The following ALK variants were observed in gnomAD, a reference collection of about 807,000 sequenced individuals.
ALK encodes the protein ALK tyrosine kinase receptor.
Under a neutral mutation model 163.1 loss-of-function variants are expected in ALK, and 74 were observed. The observed-to-expected ratio is 0.45, with a 90% confidence interval of 0.38 to 0.55. The LOEUF is 0.55. Among genes scored for constraint, ALK ranks in the 20% least tolerant of loss-of-function variants. The probability of loss-of-function intolerance (pLI) is 0.00; values close to 1 mark genes in which losing one functional copy is unlikely to be tolerated. For synonymous variants in ALK, 960 were observed against 843.2 expected (o/e 1.14, Z -2.40); for missense variants, 2,063 against 2,105.3 (o/e 0.98, Z 0.39).
At chr2:29,756,167 T>C (rs1680521766) in intron 1 of ALK, among the ~76,000 whole-genome samples, 2 of 152,234 alleles carry the variant, frequency 1.3e-5, no homozygotes, top group Admixed American at 1.3e-4. Context: ...GCAGTTCCCT[T>C]GGACTACAAT....
At chr2:29,907,573 CT>C (rs777452890) in intron 1 of ALK, among the ~76,000 whole-genome samples, 6 of 152,190 alleles carry the variant, frequency 3.9e-5, no homozygotes, top group Non-Finnish European at 7.3e-5. Flanking sequence ...TCTGTTCCTT[CT>C]TGTAAGAAAA....
chr2:29,663,560 G>C (rs1313059766), intron 3 of ALK, among the ~76,000 whole-genome samples: 1 of 152,034 alleles, frequency 6.6e-6, no homozygotes, highest in Non-Finnish European at 1.5e-5. Flanking sequence ...AATCTCATGG[G>C]GATAATTTCA....
intron 4 of ALK, among the ~76,000 whole-genome samples, chr2:29,425,840 C>A (rs1275526797): frequency 6.6e-6 from 1 of 152,154 alleles, no homozygotes; most frequent in Non-Finnish European, 1.5e-5. Context: ...TTGTGGCAAA[C>A]AACTGAGAGG....
At chr2:29,641,824 C>T (rs2148246167) in intron 3 of ALK, among the ~76,000 whole-genome samples, 1 of 152,260 alleles carries the variant, frequency 6.6e-6, no homozygotes, top group Admixed American at 6.5e-5. Context: ...TTCAGGAAAG[C>T]CCCTTTCATA....
chr2:29,195,024 C>T (rs1277931581), intron 28 of ALK, among the ~76,000 whole-genome samples: 1 of 152,072 alleles, frequency 6.6e-6, no homozygotes, highest in Non-Finnish European at 1.5e-5. Context: ...TGAGAAAATA[C>T]CCTCATTACC....
intron 5 of ALK, among the ~76,000 whole-genome samples, chr2:29,381,243 G>T (rs553160007): frequency 6.6e-6 from 1 of 152,258 alleles, no homozygotes; most frequent in Non-Finnish European, 1.5e-5. Context: ...TTATCGTAAA[G>T]CTTGCATGAT....
intron 5 of ALK, among the ~76,000 whole-genome samples, chr2:29,360,199 T>C (rs995159640): frequency 2.6e-5 from 4 of 152,218 alleles, no homozygotes; most frequent in African/African-American, 4.8e-5. Context: ...AGGGCCAAGA[T>C]TGCAAGCCAT....
intron 8 of ALK, among the ~76,000 whole-genome samples, chr2:29,299,001 G>C (rs1347818336): frequency 6.6e-6 from 1 of 152,108 alleles, no homozygotes; most frequent in Non-Finnish European, 1.5e-5. Context: ...GGCTCCTCTG[G>C]CTTGTAACCA....
intron 1 of ALK, among the ~76,000 whole-genome samples, chr2:29,799,107 C>G (rs987144898): frequency 4.6e-5 from 7 of 152,216 alleles, no homozygotes; most frequent in Non-Finnish European, 1.0e-4. Flanking sequence ...GAAGCCACAG[C>G]TGCACCAGCT....
At chr2:29,209,084 T>TG (rs1398950235) in intron 25 of ALK, among the ~76,000 whole-genome samples, 2 of 151,942 alleles carry the variant, frequency 1.3e-5, no homozygotes, top group African/African-American at 4.8e-5. Flanking sequence ...TGCAGATGCC[T>TG]GCGGTGTTAG....
intron 1 of ALK, among the ~76,000 whole-genome samples, chr2:29,817,212 G>C (rs574358412): frequency 1.3e-5 from 2 of 152,114 alleles, no homozygotes; most frequent in South Asian, 2.1e-4. Flanking sequence ...CACACTAAGC[G>C]GTGGGGTGTG....
chr2:29,482,790 T>C (rs1452710049), intron 4 of ALK, among the ~76,000 whole-genome samples: 1 of 152,166 alleles, frequency 6.6e-6, no homozygotes, highest in Admixed American at 6.5e-5. Flanking sequence ...CTCTGAGACC[T>C]GGTCTTTGGA....
At chr2:29,597,871 G>T (rs992773105) in intron 3 of ALK, among the ~76,000 whole-genome samples, 1 of 152,154 alleles carries the variant, frequency 6.6e-6, no homozygotes, top group African/African-American at 2.4e-5. Flanking sequence ...CTGCAGAGGG[G>T]TACAGAGGAG....
At chr2:29,617,519 C>T (rs1359783769) in intron 3 of ALK, among the ~76,000 whole-genome samples, 7 of 152,332 alleles carry the variant, frequency 4.6e-5, no homozygotes, top group African/African-American at 1.7e-4. Flanking sequence ...AGTCCAGTGA[C>T]TAGCACCTAG....
intron 3 of ALK, among the ~76,000 whole-genome samples, chr2:29,662,917 G>T (rs565450434): frequency 1.7e-4 from 26 of 152,002 alleles, no homozygotes; most frequent in Non-Finnish European, 2.8e-4. Context: ...ATCTTTTACT[G>T]CTATGTATTG....
intron 5 of ALK, among the ~76,000 whole-genome samples, chr2:29,332,225 G>A (rs1667462065): frequency 7.4e-6 from 1 of 134,734 alleles, no homozygotes; most frequent in African/African-American, 2.7e-5. Flanking sequence ...GGCGGAGGTT[G>A]CAGTGAGCCA....
intron 3 of ALK, among the ~76,000 whole-genome samples, chr2:29,694,038 C>A (rs1434164198): frequency 6.6e-6 from 1 of 152,220 alleles, no homozygotes; most frequent in Non-Finnish European, 1.5e-5. Flanking sequence ...AAGCCAGGAA[C>A]ATAGGCTTTC....
At chr2:29,232,185 C>T (rs1664229953) in intron 15 of ALK, 119 bp downstream of exon 15, 1 of 1,405,446 alleles carries the variant, frequency 7.1e-7, no homozygotes, top group African/African-American at 1.4e-5. Context: ...TACCAATATT[C>T]AGAGCTCCTA....
intron 4 of ALK, among the ~76,000 whole-genome samples, chr2:29,422,965 T>C (rs548670176): frequency 6.6e-6 from 1 of 152,062 alleles, no homozygotes; most frequent in Non-Finnish European, 1.5e-5. Context: ...TAAGAGATCT[T>C]ACCTGGAAAT....
Sources: allele counts gnomAD v4.1 joint callset (sites outside exome capture counted in the v4.1 genomes callset), GRCh38; gene constraint gnomAD v4.1.1; transcripts MANE v1.5; gene names NCBI Gene and HGNC (gene_info 2026-07-23, HGNC 2026-07-21).